Variants in GARRE1 observed in about 807,000 individuals in gnomAD.
The protein encoded by GARRE1 is granule associated Rac and RHOG effector protein 1.
Under a neutral mutation model 103.2 loss-of-function variants are expected in GARRE1, and 49 were observed. The ratio of observed to expected loss-of-function variants is 0.47; its 90% CI spans 0.38 to 0.60. GARRE1 has a LOEUF of 0.60. Ranked by LOEUF, GARRE1 falls within the 20% of genes least tolerant of loss-of-function variation. GARRE1 has a pLI of 0.00. For synonymous variants in GARRE1, 505 were observed against 532.8 expected, an observed-to-expected ratio of 0.95 and a Z score of 0.72; for missense variants, 1,199 against 1,370.5, an observed-to-expected ratio of 0.87 and a Z score of 1.98.
At chr19:34,289,898 T>G (rs989136757) in intron 1 of GARRE1, among the ~76,000 whole-genome samples, 9 of 152,140 alleles carry the variant, frequency 5.9e-5, no homozygotes, top group African/African-American at 9.7e-5. Context: ...GAATCCCCTT[T>G]TTAATATATA....
At chr19:34,322,036 G>A (rs1463147560) in intron 3 of GARRE1, among the ~76,000 whole-genome samples, 6 of 152,148 alleles carry the variant, frequency 3.9e-5, no homozygotes, top group African/African-American at 1.2e-4. Context: ...CTAGCCTAGC[G>A]CAGGGTTGCT....
intron 1 of GARRE1, chr19:34,285,151 A>T (rs2073878806): frequency 6.6e-6 from 1 of 152,164 alleles, no homozygotes; most frequent in African/African-American, 2.4e-5. Flanking sequence ...TTGTTTCAGA[A>T]ATGTTCAATC....
At chr19:34,264,421 C>T (rs4805078) in intron 1 of GARRE1, among the ~76,000 whole-genome samples, 97,375 of 150,864 alleles carry the variant, frequency 0.65, 32,001 homozygotes, top group Admixed American at 0.72. Context: ...GAGGGGGGGA[C>T]GGAGTCTTGC....
rs746799942 is a variant in GARRE1 at position 34,352,937 on chromosome 19, C to A, written c.3195C>A (p.Ala1065=). ...CTGGGAAGGGTGAGCGCAGGCCAGCCTATCTGCCCCAGTACTGACCCCAGG... is the reference window on the plus strand; with the variant it reads ...CTGGGAAGGGTGAGCGCAGGCCAGCATATCTGCCCCAGTACTGACCCCAGG... ...AFPGKGERRP[A]YLPQY The change falls in exon 14 of 14, where the codon GCC becomes GCA. Residue 1065 remains alanine (A), a synonymous_variant. Coordinates refer to ENST00000299505, the MANE Select transcript of GARRE1 (RefSeq NM_014686.5). 1.2e-5 allele frequency: 19 copies of A among 1,551,230 alleles called. No homozygotes were observed. Among genetic ancestry groups the A allele is most frequent in the South Asian group, 1.2e-4 (10 of 84,144 alleles).
Position 34,300,873 on chromosome 19 carries a change from G to T in GARRE1, c.400G>T (p.Ala134Ser). The change falls in exon 2 of 14, where the codon GCC becomes TCC. Residue 134 changes from alanine to serine, a missense_variant. By Grantham distance (99) the Ala-to-Ser change is moderately conservative. Transcript: ENST00000299505. ...GGAAGCAGCCAGTCGGCTGACCTCG[G>T]CCATAAAGCCTGAGATCGCCAAGAT... is the stretch of plus-strand genomic sequence containing the variant. ...VMEAASRLTS[A>S]IKPEIAKMLM... is the part of the protein sequence containing the mutation. 1.2e-6 allele frequency: 2 copies of T among 1,612,920 alleles called. No individual in the cohort carries two copies. The highest frequency in any genetic ancestry group is 1.1e-5 in the South Asian group (1 of 91,082).
At chr19:34,314,634 G>A (rs2074052084) in intron 2 of GARRE1, among the ~76,000 whole-genome samples, 1 of 152,224 alleles carries the variant, frequency 6.6e-6, no homozygotes, top group Non-Finnish European at 1.5e-5. Context: ...AGCATTTGGT[G>A]TTGGTTCTGC....
chr19:34,272,886 T>C (rs1445966461), intron 1 of GARRE1, among the ~76,000 whole-genome samples: 3 of 152,196 alleles, frequency 2.0e-5, no homozygotes, highest in African/African-American at 7.2e-5. Flanking sequence ...ACCTACCTTA[T>C]GGGGTCATTG....
At chr19:34,342,619 A>G (rs2074192211) in intron 10 of GARRE1, among the ~76,000 whole-genome samples, 164 bp downstream of exon 10, 1 of 152,152 alleles carries the variant, frequency 6.6e-6, no homozygotes, top group South Asian at 2.1e-4. Context: ...AGATCTACCA[A>G]GATGGGAAAC....
Position 34,333,778 on chromosome 19 carries a change from C to T in GARRE1, c.1338C>T (p.Ile446=), listed in dbSNP as rs1181496265. The part of the protein sequence containing the change: ...APQISLEGSR[I]VVQVPSTWCL... ...AGATCAGTTTAGAAGGCTCTAGAAT[C>T]GTGGTTCAAGTCCCATCCACATGGT... Residue 446 remains isoleucine (I), a synonymous_variant, in exon 8 of 14, where the codon ATC becomes ATT. Transcript: ENST00000299505. 12 of 1,593,786 alleles carry T rather than the reference C, an allele frequency of 7.5e-6. No individual in the cohort carries two copies. The highest frequency in any genetic ancestry group is 1.1e-5 in the South Asian group (1 of 90,574).
At chr19:34,271,729 C>G (rs916435345) in intron 1 of GARRE1, among the ~76,000 whole-genome samples, 1 of 151,940 alleles carries the variant, frequency 6.6e-6, no homozygotes, top group African/African-American at 2.4e-5. Flanking sequence ...AGCTGAGCTA[C>G]TTAGGAGGCT....
At chr19:34,259,743 C>T (rs2073703510) in intron 1 of GARRE1, among the ~76,000 whole-genome samples, 1 of 152,018 alleles carries the variant, frequency 6.6e-6, no homozygotes, top group South Asian at 2.1e-4. Context: ...TATGGTTAGG[C>T]TGTGTCCTCA....
chr19:34,292,049 A>G (rs2073920843), intron 1 of GARRE1, among the ~76,000 whole-genome samples: 1 of 152,012 alleles, frequency 6.6e-6, no homozygotes, highest in Non-Finnish European at 1.5e-5. Flanking sequence ...TTTAGTAGAG[A>G]CGGGGTTTTA....
intron 2 of GARRE1, among the ~76,000 whole-genome samples, chr19:34,302,736 GTTTT>G (rs35460135): frequency 7.7e-6 from 1 of 129,052 alleles, no homozygotes; most frequent in Non-Finnish European, 1.6e-5. Context: ...GTCTTTGATA[GTTTT>G]TTTTTTTTTT....
chr19:34,297,690 A>G (rs2073954721), intron 1 of GARRE1, among the ~76,000 whole-genome samples: 1 of 152,228 alleles, frequency 6.6e-6, no homozygotes, highest in Admixed American at 6.5e-5. Flanking sequence ...CTTCTGTTGT[A>G]TATCAGAATC....
In GARRE1 at chr19:34,347,913, G is replaced by C; in HGVS notation, c.2558G>C (p.Gly853Ala). 1 of 1,592,038 alleles carries C rather than the reference G, an allele frequency of 6.3e-7. No homozygotes were observed. Among genetic ancestry groups the C allele is most frequent in the Non-Finnish European group, 8.6e-7 (1 of 1,168,206 alleles). ...SDPEFARYVAGVSQAMQQKRQ... is the reference protein window; with the variant it reads ...SDPEFARYVAAVSQAMQQKRQ... The stretch of plus-strand genomic sequence containing the variant: ...CCAGAGTTTGCACGCTATGTGGCAG[G>C]AGTGAGCCAGGCGATGCAGCAGAAG... Residue 853 changes from glycine (G) to alanine (A), a missense_variant, in exon 11 of 14, where the codon GGA becomes GCA. Transcript: ENST00000299505.
Position 34,341,859 on chromosome 19 carries a change from C to G in GARRE1, c.1925C>G (p.Thr642Ser), listed in dbSNP as rs2074187226. The G allele has an allele frequency of 1.2e-6, 2 of 1,614,088 alleles. No individual in the cohort carries two copies. Among genetic ancestry groups the G allele is most frequent in the Non-Finnish European group, 1.7e-6 (2 of 1,180,038 alleles). The change falls in exon 10 of 14, where the codon ACT becomes AGT. Residue 642 changes from threonine (T) to serine (S), a missense_variant. Coordinates refer to ENST00000299505, the MANE Select transcript of GARRE1 (RefSeq NM_014686.5). ...GKDEKGMNLP[T>S]DQEMQEVIDF... ...GATGAGAAGGGTATGAACTTACCAA[C>G]TGATCAGGAAATGCAAGAGGTGATA...
intron 8 of GARRE1, among the ~76,000 whole-genome samples, chr19:34,334,711 A>AG (rs2074153021): frequency 6.6e-6 from 1 of 150,940 alleles, no homozygotes; most frequent in South Asian, 2.1e-4. Flanking sequence ...AAAAAAAAAA[A>AG]GAAAAAAGAA....
chr19:34,331,426 C>G (rs8101748), intron 7 of GARRE1, among the ~76,000 whole-genome samples: 14,750 of 152,086 alleles, frequency 0.097, 1,137 homozygotes, highest in African/African-American at 0.2. Context: ...ATCACCTCCT[C>G]CAAGAGGCCT....
At chr19:34,350,032 C>T (rs1568313898) in intron 12 of GARRE1, among the ~76,000 whole-genome samples, 3 of 152,160 alleles carry the variant, frequency 2.0e-5, no homozygotes, top group South Asian at 2.1e-4. Context: ...GCACTCTAGC[C>T]TGGGCAACAG....
Sources: gnomAD v4.1 joint callset for allele counts (sites outside exome capture counted in the v4.1 genomes callset) on GRCh38, gnomAD v4.1.1 for gene constraint, MANE v1.5 for transcripts, NCBI Gene and HGNC (gene_info 2026-07-23, HGNC 2026-07-21) for gene names.